The following ADAM10 variants were observed in gnomAD, a reference collection of about 807,000 sequenced individuals.
The protein encoded by ADAM10 is disintegrin and metalloproteinase domain-containing protein 10.
Under a neutral mutation model 90.1 loss-of-function variants are expected in ADAM10, and 17 were observed. The observed-to-expected ratio is 0.19, with a 90% CI of 0.13 to 0.28. The LOEUF (loss-of-function observed/expected upper bound fraction) is 0.28. ADAM10 is among the 10% of genes least tolerant of loss of function. The pLI, the probability that ADAM10 is intolerant of heterozygous loss-of-function variation, is 1.00. For missense variants in ADAM10, 610 were observed against 914.3 expected (o/e 0.67, Z 4.29); for synonymous variants, 310 against 298.6 (o/e 1.04, Z -0.40).
chr15:58,739,981 A>G (rs1199191745), intron 1 of ADAM10, among the ~76,000 whole-genome samples: 1 of 152,256 alleles, frequency 6.6e-6, no homozygotes, highest in African/African-American at 2.4e-5. Context: ...AACACATATT[A>G]TAAAATCCTA....
chr15:58,654,429 C>A (rs1454438324), intron 5 of ADAM10, among the ~76,000 whole-genome samples: 2 of 152,086 alleles, frequency 1.3e-5, no homozygotes, highest in African/African-American at 4.8e-5. Flanking sequence ...GCCCAGGCTG[C>A]AGTAAAGTGG....
chr15:58,723,908 A>C (rs1351395521), intron 1 of ADAM10, among the ~76,000 whole-genome samples: 1 of 152,160 alleles, frequency 6.6e-6, no homozygotes, highest in African/African-American at 2.4e-5. Context: ...AATCCTAGAC[A>C]AAGCAGAATC....
chr15:58,655,729 A>G (rs1288967027), intron 5 of ADAM10, among the ~76,000 whole-genome samples: 2 of 100,114 alleles, frequency 2.0e-5, no homozygotes, highest in Non-Finnish European at 2.0e-5. Flanking sequence ...ATATATATAT[A>G]TATATATATA....
At chr15:58,656,319 A>C (rs1378547405) in intron 5 of ADAM10, among the ~76,000 whole-genome samples, 1 of 151,998 alleles carries the variant, frequency 6.6e-6, no homozygotes, top group Non-Finnish European at 1.5e-5. Context: ...ATTCAATGTT[A>C]TTACTGATAA....
rs1899919725 is a variant in ADAM10, at chr15:58,749,700, C to T, written c.-166G>A. The T allele has an allele frequency of 7.0e-7, 1 of 1,427,286 alleles. No homozygotes were observed. The highest frequency in any genetic ancestry group is 9.3e-7 in the Non-Finnish European group (1 of 1,079,622). 88.4% of individuals were successfully genotyped at this position (1,427,286 alleles called of 1,614,324 possible). The stretch of plus-strand genomic sequence containing the variant: ...CCTCCCTCTCGCTCCACTTCAGGGG[C>T]CGGCAACGCTCCTAGCTCCTCCAAA... On this transcript the variant is annotated 5_prime_UTR_variant, in exon 1 of 16. Transcript: ENST00000260408.
At chr15:58,633,555 C>T (rs1181316737) in intron 8 of ADAM10, among the ~76,000 whole-genome samples, 196 bp from the exon 9 acceptor site, 6 of 152,164 alleles carry the variant, frequency 3.9e-5, no homozygotes, top group Non-Finnish European at 8.8e-5. Context: ...TAATGACATT[C>T]AGAAAGAAAC....
At chr15:58,641,837 T>C (rs1307926048) in intron 7 of ADAM10, among the ~76,000 whole-genome samples, 3 of 152,170 alleles carry the variant, frequency 2.0e-5, no homozygotes, top group African/African-American at 2.4e-5. Context: ...TTTGAAAATG[T>C]TGGCAGTAAG....
chr15:58,625,006 C>A (rs1376760713), intron 10 of ADAM10, among the ~76,000 whole-genome samples: 1 of 151,918 alleles, frequency 6.6e-6, no homozygotes, highest in East Asian at 1.9e-4. Context: ...TCTTAATGTA[C>A]CTGTACATTA....
At chr15:58,641,041 T>C in intron 7 of ADAM10, 81 bp from the exon 8 acceptor site, 3 of 1,310,924 alleles carry the variant, frequency 2.3e-6, no homozygotes, top group Non-Finnish European at 3.3e-6. Context: ...TTCTTCTGCG[T>C]ACACCTGGAC....
Position 58,723,221 on chromosome 15 carries a change from A to C in ADAM10, c.56-5494T>G, listed in dbSNP as rs146528716. 2.6e-3 allele frequency among the ~76,000 whole-genome samples: 389 copies of C among 152,246 alleles called. 4 individuals are homozygous for C. Among genetic ancestry groups the C allele is most frequent in the Middle Eastern group, 0.014 (4 of 294 alleles). On this transcript the variant is annotated intron_variant, in intron 1 of 15. Transcript: ENST00000260408. ...CCCTCAGATGCCACACAATTCACTT[A>C]TTTAAAAATCTCAAGAGAATGGGAG...
chr15:58,673,458 T>TA (rs1345967371), intron 4 of ADAM10, among the ~76,000 whole-genome samples: 2 of 151,762 alleles, frequency 1.3e-5, no homozygotes, highest in Non-Finnish European at 2.9e-5. Context: ...TTTTTTATTT[T>TA]AAAAATCTTA....
At position 58,679,267 on chromosome 15, in the gene ADAM10, A is replaced by G; in HGVS notation, c.341T>C (p.Phe114Ser). The change falls in exon 4 of 16, where the codon TTT becomes TCT. Residue 114 changes from phenylalanine to serine, a missense_variant. By Grantham distance (155) the Phe-to-Ser change is radical. Around this residue, in one of 4 missense-constraint regions of ADAM10, gnomAD observed 310 missense variants for 362.4 expected, o/e 0.86. Coordinates refer to ENST00000260408, the MANE Select transcript of ADAM10 (RefSeq NM_001110.4). Reference sequence around the variant, plus strand: ...TCCATCAATAACAGACCCATGGCTAAAACTTCCTTCTTCACCTATTAATGA... The same window carrying G: ...TCCATCAATAACAGACCCATGGCTAGAACTTCCTTCTTCACCTATTAATGA... ...TGHIYGEEGSFSHGSVIDGRF... is the reference protein window; with the variant it reads ...TGHIYGEEGSSSHGSVIDGRF... The G allele has an allele frequency of 6.2e-7, 1 of 1,614,052 alleles. No individual in the cohort carries two copies. Among genetic ancestry groups the G allele is most frequent in the Non-Finnish European group, 8.5e-7 (1 of 1,180,002 alleles).
intron 1 of ADAM10, among the ~76,000 whole-genome samples, chr15:58,747,102 G>A (rs1387685781): frequency 6.6e-6 from 1 of 152,086 alleles, no homozygotes; most frequent in African/African-American, 2.4e-5. Context: ...AAAACATTAT[G>A]GAATTTACTG....
rs1490628333 is a variant in ADAM10 at position 58,651,094 on chromosome 15, A to T, written c.586-4890T>A. Among the ~76,000 whole-genome samples the T allele has an allele frequency of 7.9e-5, 12 of 151,954 alleles. No homozygotes were observed. The South Asian group carries it at 2.1e-3, about 26-fold the overall frequency. The stretch of plus-strand genomic sequence containing the variant: ...AAATGTTTTGCCCATTATCTATTAA[A>T]TTTTTTTATTTTTTGTTTTTAAATT... On this transcript the variant is annotated intron_variant, in intron 5 of 15. Transcript: ENST00000260408.
rs540248888 is a variant in ADAM10, at chr15:58,592,139, A to G, written c.*5408T>C. The G allele has an allele frequency of 6.6e-6, 1 of 152,288 alleles. No individual in the cohort carries two copies. Among genetic ancestry groups the G allele is most frequent in the South Asian group, 2.1e-4 (1 of 4,822 alleles). 9.4% of individuals were successfully genotyped at this position (152,288 alleles called of 1,614,324 possible). ...GGAGGCTTCATCATGATGAGATGTG[A>G]CTTTTGGCAGAACTGCTTCATAGGT... is the stretch of plus-strand genomic sequence containing the variant. On this transcript the variant is annotated 3_prime_UTR_variant, in exon 16 of 16. Coordinates refer to ENST00000260408, the MANE Select transcript of ADAM10 (RefSeq NM_001110.4).
intron 4 of ADAM10, among the ~76,000 whole-genome samples, chr15:58,671,987 G>T (rs372867738): frequency 5.9e-5 from 9 of 151,836 alleles, no homozygotes; most frequent in Admixed American, 5.3e-4. Context: ...TTCAGTTTCC[G>T]TCATCTTTAG....
chr15:58,688,061 T>C (rs1566995339), intron 2 of ADAM10, among the ~76,000 whole-genome samples: 2 of 152,108 alleles, frequency 1.3e-5, no homozygotes, highest in African/African-American at 2.4e-5. Flanking sequence ...CATGTAAAAC[T>C]GATGAAACCC....
chr15:58,658,623 C>T (rs1324919625), intron 5 of ADAM10, among the ~76,000 whole-genome samples: 3 of 152,156 alleles, frequency 2.0e-5, no homozygotes, highest in South Asian at 2.1e-4. Context: ...ATTCCAACCA[C>T]AAACAAAGTT....
intron 1 of ADAM10, among the ~76,000 whole-genome samples, chr15:58,719,682 G>A (rs554960205): frequency 6.6e-6 from 1 of 152,176 alleles, no homozygotes; most frequent in East Asian, 1.9e-4. Flanking sequence ...ACTTAGAAGT[G>A]GTTAAGACAG....
Sources: allele counts gnomAD v4.1 joint callset (sites outside exome capture counted in the v4.1 genomes callset), GRCh38; gene constraint gnomAD v4.1.1; regional missense constraint gnomAD v4.1.1; transcripts MANE v1.5; gene names NCBI Gene and HGNC (gene_info 2026-07-23, HGNC 2026-07-21).